Variants in HNRNPU observed in about 807,000 individuals in gnomAD.
The protein encoded by HNRNPU is HNRNPU antisense RNA 1.
HNRNPU carries 5 observed loss-of-function variants against 94.7 expected under a neutral mutation model. The observed-to-expected ratio is 0.05, with a 90% CI of 0.03 to 0.11. The LOEUF is 0.11. Among genes scored for constraint, HNRNPU ranks in the 10% least tolerant of loss-of-function variants. HNRNPU has a pLI of 1.00. For synonymous variants in HNRNPU, 434 were observed against 381.6 expected (o/e 1.14, Z -1.60); for missense variants, 710 against 1,049.2 (o/e 0.68, Z 4.47).
At chr1:244,860,576 T>C in intron 3 of HNRNPU, 102 bp from the exon 4 acceptor site, 1 of 863,168 alleles carries the variant, frequency 1.2e-6, no homozygotes, top group Non-Finnish European at 1.8e-6. Flanking sequence ...TACTTCTTAA[T>C]GCTGCACAAC....
At chr1:244,858,410 TAC>T (rs1049591426) in intron 6 of HNRNPU, 136 bp from the exon 7 acceptor site, 50 of 741,022 alleles carry the variant, frequency 6.7e-5, no homozygotes, top group Non-Finnish European at 1.0e-4. Flanking sequence ...CTTTAAGGGC[TAC>T]ACAGTTAAGA....
At chr1:244,863,473 A>C in intron 1 of HNRNPU, 144 bp downstream of exon 1, 1 of 1,043,060 alleles carries the variant, frequency 9.6e-7, no homozygotes, top group Non-Finnish European at 1.2e-6. Flanking sequence ...CTAATCTGGG[A>C]TTCCCCGCGC....
intron 8 of HNRNPU, 120 bp from the exon 9 acceptor site, chr1:244,856,976 T>A (rs1050400266): frequency 1.3e-6 from 1 of 797,140 alleles, no homozygotes; most frequent in African/African-American, 1.7e-5. Flanking sequence ...AATATTACCT[T>A]TGTCCATTAT....
At chr1:244,854,712 T>C (rs939548392) in intron 13 of HNRNPU, 3 of 547,036 alleles carry the variant, frequency 5.5e-6, no homozygotes, top group African/African-American at 3.8e-5. Context: ...ACTTTGTTAG[T>C]TTACACAATT....
chr1:244,857,872 G>C (rs1374109420), intron 7 of HNRNPU, 139 bp downstream of exon 7: 1 of 1,296,752 alleles, frequency 7.7e-7, no homozygotes, highest in African/African-American at 1.5e-5. Context: ...GTCAACATAA[G>C]GGGGAAACAA....
chr1:244,862,676 G>T lies in HNRNPU; in HGVS notation c.746C>A (p.Pro249Gln). 1 of 1,614,066 alleles carries T rather than the reference G, an allele frequency of 6.2e-7. No homozygotes were observed. Among genetic ancestry groups the T allele is most frequent in the Non-Finnish European group, 8.5e-7 (1 of 1,179,994 alleles). Residue 249 changes from proline to glutamine, a missense_variant, in exon 2 of 14, where the codon CCA (proline) becomes CAA (glutamine). Physicochemically the swap from Pro to Gln is moderately conservative, Grantham distance 76 (BLOSUM62 -1). This residue lies in a region of HNRNPU where 13 missense variants were observed against 45.3 expected (regional missense o/e 0.29). Coordinates refer to ENST00000640218, the MANE Select transcript of HNRNPU (RefSeq NM_031844.3). Reference protein sequence around the residue: ...GGDKKRGVKRPREDHGRGYFE... With the variant: ...GGDKKRGVKRQREDHGRGYFE... Reference sequence around the variant, plus strand: ...ATATCCACGGCCATGATCTTCTCGTGGTCTTTTAACACCCCTCTTTTTATC... The same window carrying T: ...ATATCCACGGCCATGATCTTCTCGTTGTCTTTTAACACCCCTCTTTTTATC...
chr1:244,856,519 G>A lies in HNRNPU; in HGVS notation c.1850C>T (p.Thr617Ile). 1.2e-6 allele frequency: 2 copies of A among 1,613,908 alleles called. No individual in the cohort carries two copies. Among genetic ancestry groups the A allele is most frequent in the Non-Finnish European group, 1.7e-6 (2 of 1,179,938 alleles). Reference protein sequence around the residue: ...CPKDEDYKQRTQKKAEVEGKD... With the variant: ...CPKDEDYKQRIQKKAEVEGKD... Reference sequence around the variant, plus strand: ...CCCCTCTACTTCTGCTTTCTTCTGTGTTCTTTGCTTATAGTCTTCATCTTT... The same window carrying A: ...CCCCTCTACTTCTGCTTTCTTCTGTATTCTTTGCTTATAGTCTTCATCTTT... Residue 617 changes from threonine (T) to isoleucine (I), a missense_variant, in exon 10 of 14, where the codon ACA (threonine) becomes ATA (isoleucine). Physicochemically the swap from Thr to Ile is moderately conservative, Grantham distance 89. Coordinates refer to ENST00000640218, the MANE Select transcript of HNRNPU (RefSeq NM_031844.3).
Position 244,851,686 on chromosome 1 carries a change from T to G in HNRNPU, c.*2764A>C, listed in dbSNP as rs1265543217. The G allele has an allele frequency of 6.6e-6, 1 of 152,220 alleles. No homozygotes were observed. Among genetic ancestry groups the G allele is most frequent in the Non-Finnish European group, 1.5e-5 (1 of 68,042 alleles). The allele number at this position is 152,220 out of a possible 1,614,324, so 9.4% of individuals were successfully genotyped here. A position where few individuals can be genotyped will look rare whatever the true frequency, so the allele number is the denominator to read the frequency against. ...TGTTTTTATGTATTTAAGAGTTTCC[T>G]CTTGTCATTTCAATGTCAAATTGAT... On this transcript the variant is annotated 3_prime_UTR_variant, in exon 14 of 14. Coordinates refer to ENST00000640218, the MANE Select transcript of HNRNPU (RefSeq NM_031844.3).
rs780416318 is a variant in HNRNPU at position 244,864,236 on chromosome 1, G to A, written c.72C>T (p.Arg24=). The change falls in exon 1 of 14, where the codon CGC becomes CGT. Residue 24 remains arginine (R), a synonymous_variant. Transcript: ENST00000640218. ...CGGCCTTGAGACCCTTGTCAGAAAGGCGTCGCTTCTTGAGCTCCTCTTTCA... is the reference window on the plus strand; with the variant it reads ...CGGCCTTGAGACCCTTGTCAGAAAGACGTCGCTTCTTGAGCTCCTCTTTCA... ...SELKEELKKR[R]LSDKGLKAEL... 7.4e-6 allele frequency: 12 copies of A among 1,613,118 alleles called. No individual in the cohort carries two copies. Among genetic ancestry groups the A allele is most frequent in the Middle Eastern group, 1.6e-4 (1 of 6,084 alleles).
chr1:244,863,043 G>C (rs931962057), intron 1 of HNRNPU: 6 of 325,742 alleles, frequency 1.8e-5, no homozygotes, highest in Admixed American at 1.5e-4. Flanking sequence ...AGCCCGGCGC[G>C]GCGGCGCTCC....
chr1:244,863,202 G>C (rs953765401), intron 1 of HNRNPU: 6 of 160,772 alleles, frequency 3.7e-5, no homozygotes, highest in Non-Finnish European at 7.9e-5. Context: ...CCGCCAAAGC[G>C]CGCCCGCCCC....
intron 1 of HNRNPU, 109 bp downstream of exon 1, chr1:244,863,485 CCCTCCCCCACCCTCACCGCGGCG>C: frequency 9.0e-7 from 1 of 1,114,512 alleles, no homozygotes; most frequent in Non-Finnish European, 1.1e-6. Context: ...TCCCCGCGCC[CCCTCCCCCACCCTCACCGCGGCG>C]CCCTCCCGCC....
chr1:244,850,808 G>A lies in HNRNPU; in HGVS notation c.*3642C>T, dbSNP rs1215461402. 3 of 152,142 alleles carry A rather than the reference G, an allele frequency of 2.0e-5. No individual in the cohort carries two copies. Among genetic ancestry groups the A allele is most frequent in the Non-Finnish European group, 4.4e-5 (3 of 68,034 alleles). 9.4% of individuals were successfully genotyped at this position (152,142 alleles called of 1,614,324 possible). A position where few individuals can be genotyped will look rare whatever the true frequency, so the allele number is the denominator to read the frequency against. On this transcript the variant is annotated 3_prime_UTR_variant, in exon 14 of 14. Coordinates refer to ENST00000640218, the MANE Select transcript of HNRNPU (RefSeq NM_031844.3). Reference sequence around the variant, plus strand: ...TGAACACCTCAACCTCAGAGCTCCAGAATTAGGAATGAATGACAAAGTTTA... The same window carrying A: ...TGAACACCTCAACCTCAGAGCTCCAAAATTAGGAATGAATGACAAAGTTTA...
chr1:244,858,300 G>A lies in HNRNPU; in HGVS notation c.1231-26C>T, dbSNP rs540232873. On this transcript the variant is annotated intron_variant, in intron 6 of 13. Coordinates refer to ENST00000640218, the MANE Select transcript of HNRNPU (RefSeq NM_031844.3). ...CTGTTACACAGAAAAAAATTCAACAGTTAAAATCTGCTTCCTTAAACTTTC... is the reference window on the plus strand; with the variant it reads ...CTGTTACACAGAAAAAAATTCAACAATTAAAATCTGCTTCCTTAAACTTTC... 2.5e-6 allele frequency: 4 copies of A among 1,595,984 alleles called. No homozygotes were observed. In the South Asian group the frequency reaches 3.4e-5, roughly 13 times the overall value.
At chr1:244,858,630 T>C in intron 6 of HNRNPU, 99 bp downstream of exon 6, 1 of 694,278 alleles carries the variant, frequency 1.4e-6, no homozygotes, top group Non-Finnish European at 2.6e-6. Context: ...TGTATTTTGT[T>C]GCTCATATTG....
chr1:244,855,930 A>G lies in HNRNPU; in HGVS notation c.2141T>C (p.Met714Thr). Residue 714 changes from methionine (M) to threonine (T), a missense_variant, in exon 11 of 14, where the codon ATG (methionine) becomes ACG (threonine). By Grantham distance (81) the Met-to-Thr change is moderately conservative. This residue lies in a region of HNRNPU where 152 missense variants were observed against 238.9 expected (regional missense o/e 0.64). Transcript: ENST00000640218. ...TCCTCCTCTGAAATTTCCACCACGC[A>G]TATTGAATCCTCCACGTCCTCTATG... Reference protein sequence around the residue: ...GGHRGRGGFNMRGGNFRGGAP... With the variant: ...GGHRGRGGFNTRGGNFRGGAP... 6.2e-7 allele frequency: 1 copy of G among 1,613,932 alleles called. No individual in the cohort carries two copies. The highest frequency in any genetic ancestry group is 2.2e-5 in the East Asian group (1 of 44,840).
chr1:244,863,618 C>G lies in HNRNPU; in HGVS notation c.690G>C (p.Ala230=), dbSNP rs892653613. The G allele has an allele frequency of 6.6e-7, 1 of 1,518,046 alleles. No homozygotes were observed. The highest frequency in any genetic ancestry group is 8.7e-7 in the Non-Finnish European group (1 of 1,147,746). 94.0% of individuals were successfully genotyped at this position (1,518,046 alleles called of 1,614,324 possible). ...GGGGRPGAPA[A]GDGKTEQKGG... Reference sequence around the variant, plus strand: ...CGCAACGTACAACGCAGCACTCACCCGCCGCCGGAGCCCCGGGGCGACCGC... The same window carrying G: ...CGCAACGTACAACGCAGCACTCACCGGCCGCCGGAGCCCCGGGGCGACCGC... The change falls in exon 1 of 14, where the codon GCG becomes GCC. Residue 230 remains alanine (A), a splice_region_variant and synonymous_variant. Coordinates refer to ENST00000640218, the MANE Select transcript of HNRNPU (RefSeq NM_031844.3).
intron 13 of HNRNPU, chr1:244,854,749 T>C (rs1043405813): frequency 6.6e-5 from 34 of 512,990 alleles, no homozygotes; most frequent in Non-Finnish European, 1.0e-4. Context: ...GAACTGTATA[T>C]ATTAAATAAT....
chr1:244,861,541 T>G (rs1229247124), intron 3 of HNRNPU: 1 of 152,144 alleles, frequency 6.6e-6, no homozygotes, highest in Non-Finnish European at 1.5e-5. Flanking sequence ...AGAAAGAGTT[T>G]TACATTGACA....
Sources: gnomAD v4.1 joint callset for allele counts on GRCh38, gnomAD v4.1.1 for gene constraint, gnomAD v4.1.1 regional missense constraint, MANE v1.5 for transcripts, NCBI Gene and HGNC (gene_info 2026-07-23, HGNC 2026-07-21) for gene names.